The following IMMP2L variants were observed in gnomAD, a reference collection of about 807,000 sequenced individuals.
IMMP2L encodes mitochondrial inner membrane protease subunit 2.
IMMP2L carries 18 observed loss-of-function variants against 19.3 expected under a neutral mutation model. That is an observed-to-expected ratio of 0.93 (90% CI 0.64 to 1.38). The LOEUF (loss-of-function observed/expected upper bound fraction) is 1.38. Among genes scored for constraint, IMMP2L ranks in the 40% most tolerant of loss-of-function variants. IMMP2L has a pLI of 0.00. For missense variants in IMMP2L, 233 were observed against 218.2 expected (o/e 1.07, Z -0.43); for synonymous variants, 76 against 73.0 (o/e 1.04, Z -0.21).
At chr7:111,220,792 G>C (rs1411336186) in intron 3 of IMMP2L, among the ~76,000 whole-genome samples, 6 of 152,036 alleles carry the variant, frequency 3.9e-5, no homozygotes, top group Non-Finnish European at 8.8e-5. Flanking sequence ...CTGAGAACCA[G>C]AGAGCCAATG....
intron 3 of IMMP2L, among the ~76,000 whole-genome samples, chr7:111,263,915 T>C (rs1817577515): frequency 1.3e-5 from 2 of 152,180 alleles, no homozygotes; most frequent in South Asian, 4.1e-4. Context: ...CCATTGGATT[T>C]TGCAACATGC....
intron 3 of IMMP2L, among the ~76,000 whole-genome samples, chr7:111,042,620 G>C (rs1792008337): frequency 6.6e-6 from 1 of 152,202 alleles, no homozygotes; most frequent in Admixed American, 6.5e-5. Flanking sequence ...GAGAAGCAGG[G>C]ATATAGAGCA....
chr7:111,500,381 A>G (rs1017535018), intron 2 of IMMP2L, among the ~76,000 whole-genome samples: 4 of 152,304 alleles, frequency 2.6e-5, no homozygotes, highest in Admixed American at 1.3e-4. Flanking sequence ...CTCTGGGGGC[A>G]GGGCACAGAC....
At chr7:111,018,723 C>T (rs1421065387) in intron 3 of IMMP2L, among the ~76,000 whole-genome samples, 1 of 151,332 alleles carries the variant, frequency 6.6e-6, no homozygotes, top group Non-Finnish European at 1.5e-5. Flanking sequence ...AAGGATAAAC[C>T]AAAATTTGGA....
At chr7:111,102,715 G>A (rs1331133975) in intron 3 of IMMP2L, among the ~76,000 whole-genome samples, 1 of 151,410 alleles carries the variant, frequency 6.6e-6, no homozygotes, top group South Asian at 2.1e-4. Context: ...GAATAATCCA[G>A]CTTCTTCGTG....
chr7:110,973,869 C>G (rs1454160175), intron 3 of IMMP2L, among the ~76,000 whole-genome samples: 2 of 152,080 alleles, frequency 1.3e-5, no homozygotes, highest in Admixed American at 1.3e-4. Flanking sequence ...CTGAAACCAT[C>G]ATTCCATTGC....
intron 1 of IMMP2L, among the ~76,000 whole-genome samples, chr7:111,538,183 ATACTT>A (rs1222035896): frequency 4.0e-5 from 6 of 150,674 alleles, no homozygotes; most frequent in Non-Finnish European, 5.9e-5. Flanking sequence ...GTTCACTACT[ATACTT>A]AAGTGCTTTG....
Position 110,877,153 on chromosome 7 carries a change from G to C in IMMP2L, c.408+9440C>G, listed in dbSNP as rs370989208. The stretch of plus-strand genomic sequence containing the variant: ...ACATAACTTCTTTTATACAGAAATA[G>C]GAATGGGCCAGATTTGGTTCAAGGG... On this transcript the variant is annotated intron_variant, in intron 5 of 5. Coordinates refer to ENST00000405709, the MANE Select transcript of IMMP2L (RefSeq NM_032549.4). This position sits in a 1 kb window ranked among gnomAD's most constrained non-coding sequence, Gnocchi z 4.0. Among the ~76,000 whole-genome samples, 1 of 152,130 alleles carries C rather than the reference G, an allele frequency of 6.6e-6. No individual in the cohort carries two copies. The highest frequency in any genetic ancestry group is 2.4e-5 in the African/African-American group (1 of 41,440).
chr7:111,314,393 T>G (rs994172268), intron 3 of IMMP2L, among the ~76,000 whole-genome samples: 2 of 152,162 alleles, frequency 1.3e-5, no homozygotes, highest in Non-Finnish European at 2.9e-5. Flanking sequence ...AAGAAAAGGT[T>G]AGACAGGCAA....
intron 4 of IMMP2L, among the ~76,000 whole-genome samples, chr7:110,916,931 C>T (rs1436507999): frequency 1.3e-5 from 2 of 152,138 alleles, no homozygotes. Flanking sequence ...GTATAGTGGT[C>T]CCCCCAAAAG....
At chr7:111,207,682 C>T (rs1024078742) in intron 3 of IMMP2L, among the ~76,000 whole-genome samples, 3 of 151,260 alleles carry the variant, frequency 2.0e-5, no homozygotes, top group Admixed American at 6.6e-5. Flanking sequence ...ACTACAGGTG[C>T]GCGCCGCCAT....
chr7:110,950,858 A>ATATATATATATACATATATATATATATG (rs1817744710), intron 4 of IMMP2L, among the ~76,000 whole-genome samples: 1 of 136,298 alleles, frequency 7.3e-6, no homozygotes, highest in African/African-American at 2.9e-5. Flanking sequence ...ATATATATAT[A>ATATATATATATACATATATATATATATG]TATATATATA....
In IMMP2L at chr7:111,290,000, T is replaced by C. The variant is rs77495833; in HGVS notation, c.239+197238A>G. ...CCCACCACAAAAGCAAAGCCTTGAA[T>C]TGAGTCTCACTCTATTCAAATCACT... On this transcript the variant is annotated intron_variant, in intron 3 of 5. Coordinates refer to ENST00000405709, the MANE Select transcript of IMMP2L (RefSeq NM_032549.4). Among the ~76,000 whole-genome samples, 11 of 152,260 alleles carry C rather than the reference T, an allele frequency of 7.2e-5. No homozygotes were observed. In the East Asian group the frequency reaches 1.2e-3, roughly 16 times the overall value.
chr7:110,716,961 G>C (rs1280501579), intron 5 of IMMP2L, among the ~76,000 whole-genome samples: 1 of 152,130 alleles, frequency 6.6e-6, no homozygotes, highest in Admixed American at 6.5e-5. Flanking sequence ...TAAGCATTTA[G>C]AAATGTGGAA....
At chr7:110,671,866 C>T (rs755429231) in intron 5 of IMMP2L, among the ~76,000 whole-genome samples, 5 of 151,954 alleles carry the variant, frequency 3.3e-5, no homozygotes, top group African/African-American at 4.8e-5. Context: ...AGACTGTTAG[C>T]GGGAGGAAAG....
At chr7:111,322,907 A>G (rs1824890461) in intron 3 of IMMP2L, among the ~76,000 whole-genome samples, 2 of 151,854 alleles carry the variant, frequency 1.3e-5, no homozygotes, top group African/African-American at 2.4e-5. Context: ...AGCTTTGTTC[A>G]TAGCATTAAA....
At position 111,354,324 on chromosome 7, in the gene IMMP2L, C is replaced by T. The variant is rs556840752; in HGVS notation, c.239+132914G>A. 2.0e-5 allele frequency among the ~76,000 whole-genome samples: 3 copies of T among 151,868 alleles called. No individual in the cohort carries two copies. The East Asian group carries it at 5.8e-4, about 29-fold the overall frequency. ...AGATAAATAGAGAACATATATATTA[C>T]CATCTTTATTGATACCTAGTATCAA... On this transcript the variant is annotated intron_variant, in intron 3 of 5. Coordinates refer to ENST00000405709, the MANE Select transcript of IMMP2L (RefSeq NM_032549.4).
intron 3 of IMMP2L, among the ~76,000 whole-genome samples, chr7:111,129,369 G>A (rs907130557): frequency 2.0e-5 from 3 of 151,128 alleles, no homozygotes; most frequent in Admixed American, 2.0e-4. Flanking sequence ...TAGCAAATAA[G>A]TAAAAATTTT....
At chr7:110,791,697 T>C (rs1800469936) in intron 5 of IMMP2L, among the ~76,000 whole-genome samples, 1 of 151,774 alleles carries the variant, frequency 6.6e-6, no homozygotes, top group Non-Finnish European at 1.5e-5. Context: ...GTAAGCCCCC[T>C]AATACCTTCT....
Sources: gnomAD v4.1 joint callset for allele counts (sites outside exome capture counted in the v4.1 genomes callset) on GRCh38, gnomAD v4.1.1 for gene constraint, Gnocchi (gnomAD v3.1) non-coding constraint, MANE v1.5 for transcripts, NCBI Gene and HGNC (gene_info 2026-07-23, HGNC 2026-07-21) for gene names.